Variants in RGS7 observed in about 807,000 individuals in gnomAD.
RGS7 encodes the protein regulator of G-protein signaling 7.
RGS7 carries 27 observed loss-of-function variants against 81.1 expected under a neutral mutation model. The observed-to-expected ratio is 0.33, with a 90% confidence interval of 0.25 to 0.46. The LOEUF is 0.46. RGS7 is among the 20% of genes least tolerant of loss of function. RGS7 has a pLI of 1.00. For synonymous variants in RGS7, 208 were observed against 207.7 expected (o/e 1.00, Z -0.01); for missense variants, 396 against 607.4 (o/e 0.65, Z 3.66).
intron 3 of RGS7, among the ~76,000 whole-genome samples, chr1:241,087,974 CTCTA>C (rs1270390843): frequency 0.023 from 2,678 of 115,866 alleles, 58 homozygotes; most frequent in African/African-American, 0.059. Context: ...CTCTCTCTCT[CTCTA>C]TATATATATA....
At chr1:241,293,303 G>A (rs1171853715) in intron 2 of RGS7, among the ~76,000 whole-genome samples, 1 of 152,180 alleles carries the variant, frequency 6.6e-6, no homozygotes, top group Admixed American at 6.5e-5. Context: ...TAATGACTAT[G>A]TTACTGGTTT....
chr1:241,029,977 G>A (rs377409288), intron 3 of RGS7, among the ~76,000 whole-genome samples: 1 of 152,286 alleles, frequency 6.6e-6, no homozygotes, highest in African/African-American at 2.4e-5. Context: ...CACCAATGAC[G>A]GTTCTGCAGT....
intron 2 of RGS7, among the ~76,000 whole-genome samples, chr1:241,175,864 C>G (rs867666394): frequency 6.6e-6 from 1 of 152,176 alleles, no homozygotes; most frequent in Non-Finnish European, 1.5e-5. Context: ...GGGACAAGTG[C>G]AGAGGCCCAT....
intron 2 of RGS7, among the ~76,000 whole-genome samples, chr1:241,147,778 T>TTTTTTATA (rs2068421330): frequency 5.2e-5 from 1 of 19,410 alleles, no homozygotes; most frequent in Non-Finnish European, 1.2e-4. Flanking sequence ...CTAGATTAAG[T>TTTTTTATA]TTTATATATA....
chr1:241,012,327 C>A (rs570321422), intron 3 of RGS7, among the ~76,000 whole-genome samples: 1 of 152,238 alleles, frequency 6.6e-6, no homozygotes, highest in South Asian at 2.1e-4. Flanking sequence ...GTCCCTCATG[C>A]AAAGGCACGA....
chr1:240,867,979 CCA>C (rs1437344554), intron 9 of RGS7, among the ~76,000 whole-genome samples: 1 of 138,702 alleles, frequency 7.2e-6, no homozygotes, highest in African/African-American at 2.6e-5. Flanking sequence ...CCAGCCTGGG[CCA>C]CAGAGCCAGA....
At chr1:240,786,786 A>T (rs1249787209) in intron 18 of RGS7, among the ~76,000 whole-genome samples, 1 of 152,214 alleles carries the variant, frequency 6.6e-6, no homozygotes, top group Non-Finnish European at 1.5e-5. Flanking sequence ...TTAAAATATA[A>T]TTTTTAACAT....
At position 241,199,160 on chromosome 1, in the gene RGS7, G is replaced by T. The variant is rs370873572; in HGVS notation, c.79-100398C>A. On this transcript the variant is annotated intron_variant, in intron 2 of 18. Coordinates refer to ENST00000440928, the MANE Select transcript of RGS7 (RefSeq NM_001364886.1). ...ATAATAAAAGCCCTTAGCAAACAAA[G>T]AATAAAAAAAAAAGACTTTATTGGC... Among the ~76,000 whole-genome samples the T allele has an allele frequency of 8.6e-5, 13 of 151,230 alleles. No individual in the cohort carries two copies. In the East Asian group the frequency reaches 2.5e-3, roughly 29 times the overall value.
At chr1:241,080,654 A>C (rs1435596819) in intron 3 of RGS7, among the ~76,000 whole-genome samples, 1 of 152,190 alleles carries the variant, frequency 6.6e-6, no homozygotes, top group East Asian at 1.9e-4. Flanking sequence ...TCACCATAAA[A>C]AATAAGGATA....
chr1:241,073,566 A>G (rs542353402), intron 3 of RGS7, among the ~76,000 whole-genome samples: 1 of 152,336 alleles, frequency 6.6e-6, no homozygotes, highest in South Asian at 2.1e-4. Context: ...CAGATAAAAC[A>G]CAATTCTTAT....
At chr1:241,088,808 G>A (rs1401013234) in intron 3 of RGS7, among the ~76,000 whole-genome samples, 1 of 151,576 alleles carries the variant, frequency 6.6e-6, no homozygotes, top group African/African-American at 2.4e-5. Context: ...TCAGGAGATC[G>A]AGACCATCCT....
chr1:240,996,983 T>C (rs551541507), intron 3 of RGS7, among the ~76,000 whole-genome samples: 29 of 152,276 alleles, frequency 1.9e-4, no homozygotes, highest in African/African-American at 7.0e-4. Flanking sequence ...ACAGTCTTGC[T>C]TTGTCACCCA....
At chr1:240,808,187 T>TA (rs1343908907) in intron 14 of RGS7, among the ~76,000 whole-genome samples, 3 of 152,146 alleles carry the variant, frequency 2.0e-5, no homozygotes, top group Middle Eastern at 3.4e-3. Context: ...GAGAAAAAGA[T>TA]AAACCATTTA....
intron 4 of RGS7, among the ~76,000 whole-genome samples, chr1:240,960,571 A>G (rs1310517400): frequency 1.5e-5 from 2 of 129,796 alleles, no homozygotes; most frequent in Admixed American, 8.2e-5. Flanking sequence ...TTTTTTTCCC[A>G]GAAGTCTTTG....
intron 2 of RGS7, among the ~76,000 whole-genome samples, chr1:241,120,018 A>T (rs1288239954): frequency 6.6e-6 from 1 of 152,212 alleles, no homozygotes; most frequent in Non-Finnish European, 1.5e-5. Context: ...GCGTGTTGTA[A>T]GTAAATCTCC....
At chr1:241,221,347 G>A (rs1480850876) in intron 2 of RGS7, among the ~76,000 whole-genome samples, 8 of 152,188 alleles carry the variant, frequency 5.3e-5, no homozygotes, top group Non-Finnish European at 4.4e-5. Context: ...AAATGCAGAT[G>A]TGGCATAGAC....
chr1:240,784,363 G>A (rs1012165504), intron 18 of RGS7, among the ~76,000 whole-genome samples: 45 of 151,914 alleles, frequency 3.0e-4, no homozygotes, highest in African/African-American at 1.0e-3. Flanking sequence ...TTTTGAGGCC[G>A]GGTACGATGT....
At chr1:241,179,303 T>C (rs1034634514) in intron 2 of RGS7, among the ~76,000 whole-genome samples, 1 of 152,220 alleles carries the variant, frequency 6.6e-6, no homozygotes, top group Admixed American at 6.5e-5. Context: ...TTCACCATGT[T>C]GGCCAGGCTG....
chr1:241,192,106 G>T (rs972722548), intron 2 of RGS7, among the ~76,000 whole-genome samples: 2 of 150,934 alleles, frequency 1.3e-5, no homozygotes, highest in Admixed American at 1.3e-4. Context: ...TTATCTAAAA[G>T]CTCCATATCT....
Sources: gnomAD v4.1 joint callset for allele counts (sites outside exome capture counted in the v4.1 genomes callset) on GRCh38, gnomAD v4.1.1 for gene constraint, MANE v1.5 for transcripts, NCBI Gene and HGNC (gene_info 2026-07-23, HGNC 2026-07-21) for gene names.